CDH2: variants seen among roughly 807,000 people sequenced by gnomAD.
CDH2 encodes the protein cadherin 2, also known as cadherin-2.
CDH2 carries 17 observed loss-of-function variants against 92.0 expected under a neutral mutation model. The observed-to-expected ratio is 0.18, with a 90% confidence interval of 0.13 to 0.28. The LOEUF is 0.28. CDH2 is among the 10% of genes least tolerant of loss of function. The pLI is 1.00. For synonymous variants in CDH2, 419 were observed against 415.9 expected (o/e 1.01, Z -0.09); for missense variants, 862 against 1,133.1 (o/e 0.76, Z 3.44).
chr18:28,006,066 CT>C (rs1264774904), intron 5 of CDH2, 73 bp from the exon 6 acceptor site: 6 of 1,198,620 alleles, frequency 5.0e-6, no homozygotes, highest in Non-Finnish European at 7.1e-6. Flanking sequence ...CATCATAAGG[CT>C]ACAAAAATAG....
At chr18:28,157,388 C>T (rs543768020) in intron 1 of CDH2, among the ~76,000 whole-genome samples, 2 of 152,306 alleles carry the variant, frequency 1.3e-5, no homozygotes, top group South Asian at 4.1e-4. Context: ...AAGCATGCTA[C>T]AATGCTTTCC....
At chr18:28,023,624 T>G (rs17522645) in intron 2 of CDH2, among the ~76,000 whole-genome samples, 5 of 152,040 alleles carry the variant, frequency 3.3e-5, no homozygotes, top group Non-Finnish European at 7.4e-5. Context: ...CTGGCCAATA[T>G]GAATATTTTA....
intron 2 of CDH2, among the ~76,000 whole-genome samples, chr18:28,054,865 G>C (rs587613): frequency 0.54 from 82,047 of 151,902 alleles, 22,943 homozygotes; most frequent in African/African-American, 0.69. Context: ...TTTTCTTGGT[G>C]AAGAAAATGC....
intron 2 of CDH2, chr18:28,045,446 G>C (rs1480492351): frequency 2.1e-6 from 1 of 467,376 alleles, no homozygotes; most frequent in Admixed American, 2.4e-5. Context: ...CAACAATGTG[G>C]CCACAGCCTA....
At chr18:28,166,696 T>C (rs1200427828) in intron 1 of CDH2, among the ~76,000 whole-genome samples, 1 of 152,122 alleles carries the variant, frequency 6.6e-6, no homozygotes, top group Non-Finnish European at 1.5e-5. Flanking sequence ...CTTTAAAATA[T>C]GGTAAAATTA....
chr18:28,047,826 G>C (rs977839475), intron 2 of CDH2, among the ~76,000 whole-genome samples: 1 of 138,172 alleles, frequency 7.2e-6, no homozygotes, highest in African/African-American at 2.8e-5. Context: ...CCGAGATCGG[G>C]CCACTGCACT....
chr18:28,132,872 C>A (rs2015795442), intron 2 of CDH2, among the ~76,000 whole-genome samples: 1 of 152,192 alleles, frequency 6.6e-6, no homozygotes, highest in African/African-American at 2.4e-5. Context: ...ATGACTCGCA[C>A]CCTATCAGCC....
chr18:28,162,247 T>C (rs538668269), intron 1 of CDH2, among the ~76,000 whole-genome samples: 6 of 152,260 alleles, frequency 3.9e-5, no homozygotes, highest in Admixed American at 6.5e-5. Context: ...ATTGTTGAAG[T>C]GCCAGCAGGG....
At chr18:28,046,982 T>C (rs1004499484) in intron 2 of CDH2, among the ~76,000 whole-genome samples, 3 of 152,104 alleles carry the variant, frequency 2.0e-5, no homozygotes, top group African/African-American at 4.8e-5. Context: ...AGTTGGAAAA[T>C]AGAGATTCTA....
At chr18:27,976,259 A>G (rs1445508461) in intron 14 of CDH2, among the ~76,000 whole-genome samples, 1 of 152,176 alleles carries the variant, frequency 6.6e-6, no homozygotes, top group Non-Finnish European at 1.5e-5. Context: ...TCCTTGAACC[A>G]GAACTCATGG....
intron 2 of CDH2, among the ~76,000 whole-genome samples, chr18:28,070,978 T>C (rs956550090): frequency 6.6e-6 from 1 of 152,130 alleles, no homozygotes; most frequent in Non-Finnish European, 1.5e-5. Flanking sequence ...TGATATGATT[T>C]CATACCAATA....
intron 6 of CDH2, among the ~76,000 whole-genome samples, 191 bp downstream of exon 6, chr18:28,005,658 A>AT (rs74441046): frequency 0.019 from 2,904 of 149,904 alleles, 46 homozygotes; most frequent in Non-Finnish European, 0.032. Flanking sequence ...AATAAGAAGG[A>AT]TTTTTTTTTT....
At position 28,009,884 on chromosome 18, in the gene CDH2, G is replaced by C. The variant is rs769542309; in HGVS notation, c.547-12C>G. 2 of 1,596,762 alleles carry C rather than the reference G, an allele frequency of 1.3e-6. No individual in the cohort carries two copies. The highest frequency in any genetic ancestry group is 1.7e-5 in the Admixed American group (1 of 58,498). On this transcript the variant is annotated splice_polypyrimidine_tract_variant and intron_variant, in intron 4 of 15. Transcript: ENST00000269141. ...CTATCAGACCTGATCTGAGGATCAAGAAAACAATGACATTAAGTGAGAGAC... is the reference window on the plus strand; with the variant it reads ...CTATCAGACCTGATCTGAGGATCAACAAAACAATGACATTAAGTGAGAGAC...
chr18:27,936,674 C>T (rs1430744408), intron 6 of CDH2, among the ~76,000 whole-genome samples: 1 of 152,144 alleles, frequency 6.6e-6, no homozygotes, highest in Non-Finnish European at 1.5e-5. Flanking sequence ...AGACTTCAGA[C>T]ATGTGTCATC....
chr18:27,938,331 T>TTA (rs1909066678), intron 6 of CDH2, among the ~76,000 whole-genome samples: 1 of 152,202 alleles, frequency 6.6e-6, no homozygotes. Context: ...GAGAATGGGC[T>TTA]TATACAGCAT....
chr18:28,056,527 G>C (rs541729459), intron 2 of CDH2, among the ~76,000 whole-genome samples: 2 of 152,136 alleles, frequency 1.3e-5, no homozygotes, highest in East Asian at 1.9e-4. Flanking sequence ...TTAAAAATAA[G>C]ACTTTTCCTA....
intron 1 of CDH2, among the ~76,000 whole-genome samples, chr18:28,173,392 CTTA>C (rs1346843071): frequency 6.6e-6 from 1 of 152,108 alleles, no homozygotes; most frequent in African/African-American, 2.4e-5. Context: ...GTTAACTCTT[CTTA>C]TTTTCACAAG....
At chr18:28,045,561 G>T in intron 2 of CDH2, 1 of 385,208 alleles carries the variant, frequency 2.6e-6, no homozygotes, top group East Asian at 7.6e-5. Flanking sequence ...CTTCTGCCTT[G>T]CTCATGCTAG....
chr18:28,138,757 T>G (rs1418539235), intron 2 of CDH2, among the ~76,000 whole-genome samples: 1 of 152,056 alleles, frequency 6.6e-6, no homozygotes, highest in African/African-American at 2.4e-5. Flanking sequence ...AATAATAAAA[T>G]GAATGCCCTC....
Sources: gnomAD v4.1 joint callset for allele counts (sites outside exome capture counted in the v4.1 genomes callset) on GRCh38, gnomAD v4.1.1 for gene constraint, MANE v1.5 for transcripts, NCBI Gene and HGNC (gene_info 2026-07-23, HGNC 2026-07-21) for gene names.